Variants in SLC18A2 observed in about 807,000 individuals in gnomAD.
SLC18A2 encodes synaptic vesicular amine transporter.
In SLC18A2, 33 loss-of-function variants were observed where a neutral mutation model predicts 59.2. The observed-to-expected ratio is 0.56, with a 90% CI of 0.42 to 0.75. The LOEUF (loss-of-function observed/expected upper bound fraction) is 0.75, where lower values mean the gene tolerates loss of function less well. SLC18A2 is among the 30% of genes least tolerant of loss of function. The pLI is 0.00. For missense variants in SLC18A2, 569 were observed against 668.6 expected (o/e 0.85, Z 1.64); for synonymous variants, 228 against 253.5 (o/e 0.90, Z 0.95).
intron 10 of SLC18A2, among the ~76,000 whole-genome samples, chr10:117,261,688 A>G (rs1040094886): frequency 2.6e-5 from 4 of 152,162 alleles, no homozygotes; most frequent in African/African-American, 9.7e-5. Context: ...CCTGAGTACC[A>G]GTGTCTTTGG....
chr10:117,258,130 G>A (rs1029760497), intron 10 of SLC18A2, among the ~76,000 whole-genome samples: 2 of 152,186 alleles, frequency 1.3e-5, no homozygotes, highest in Non-Finnish European at 2.9e-5. Flanking sequence ...AGAAATGAGA[G>A]TAAAAATACA....
intron 10 of SLC18A2, among the ~76,000 whole-genome samples, chr10:117,265,698 A>G (rs1041913747): frequency 6.6e-5 from 10 of 151,984 alleles, no homozygotes; most frequent in African/African-American, 2.2e-4. Context: ...AATGCGGAGG[A>G]CAGGTTCAAG....
Position 117,270,311 on chromosome 10 carries a change from A to G in SLC18A2, c.1307-19A>G. The G allele has an allele frequency of 6.2e-7, 1 of 1,614,066 alleles. No homozygotes were observed. Among genetic ancestry groups the G allele is most frequent in the Non-Finnish European group, 8.5e-7 (1 of 1,179,992 alleles). ...AAGACATTTGGAAGAGCTTTATCTA[A>G]TTCTCTGTTTCCTGAAAGGTCCTTC... On this transcript the variant is annotated intron_variant, in intron 14 of 15. Coordinates refer to ENST00000644641, the MANE Select transcript of SLC18A2 (RefSeq NM_003054.6).
At chr10:117,243,698 T>A (rs1844078710) in intron 2 of SLC18A2, among the ~76,000 whole-genome samples, 1 of 152,136 alleles carries the variant, frequency 6.6e-6, no homozygotes, top group East Asian at 1.9e-4. Context: ...CGATCCTCCT[T>A]TCTCAGCCTC....
At chr10:117,242,728 T>C (rs963155863) in intron 2 of SLC18A2, among the ~76,000 whole-genome samples, 3 of 152,192 alleles carry the variant, frequency 2.0e-5, no homozygotes, top group Non-Finnish European at 4.4e-5. Flanking sequence ...TTGCTTTTTA[T>C]TTTGGTTTTT....
At chr10:117,244,525 A>T (rs1844091367) in intron 3 of SLC18A2, among the ~76,000 whole-genome samples, 1 of 152,206 alleles carries the variant, frequency 6.6e-6, no homozygotes, top group Non-Finnish European at 1.5e-5. Flanking sequence ...AACAAGTAAG[A>T]AAATATTAAA....
intron 13 of SLC18A2, chr10:117,268,808 G>A (rs1218679600): frequency 6.7e-6 from 1 of 150,272 alleles, no homozygotes. Context: ...CAGAAATTAT[G>A]TGTGTGTATG....
At position 117,269,058 on chromosome 10, in the gene SLC18A2, TAA is replaced by T. The variant is rs1844388799; in HGVS notation, c.1187-1011_1187-1010del. On this transcript the variant is annotated intron_variant, in intron 13 of 15. Coordinates refer to ENST00000644641, the MANE Select transcript of SLC18A2 (RefSeq NM_003054.6). The surrounding 1 kb of genome is among the most constrained non-coding windows in gnomAD (Gnocchi z 5.1). ...CACATACACACATACACCCCCCACA[TAA>T]ACACATACACATACACAAATATACA... 6.8e-6 allele frequency among the ~76,000 whole-genome samples: 1 copy of T among 147,462 alleles called. No homozygotes were observed. The highest frequency in any genetic ancestry group is 1.5e-5 in the Non-Finnish European group (1 of 67,126).
At position 117,261,267 on chromosome 10, in the gene SLC18A2, G is replaced by A. The variant is rs372270952; in HGVS notation, c.991+3375G>A. Among the ~76,000 whole-genome samples the A allele has an allele frequency of 3.9e-5, 6 of 152,056 alleles. No homozygotes were observed. In the East Asian group the frequency reaches 5.8e-4, roughly 15 times the overall value. ...AAAAAAATTAGCCAGGAGTAGTAGC[G>A]CACACCTGAAGTCCCAGCTACTCGG... is the stretch of plus-strand genomic sequence containing the variant. On this transcript the variant is annotated intron_variant, in intron 10 of 15. Transcript: ENST00000644641.
intron 2 of SLC18A2, 154 bp downstream of exon 2, chr10:117,241,968 G>A: frequency 1.4e-6 from 1 of 729,924 alleles, no homozygotes; most frequent in Non-Finnish European, 2.1e-6. Context: ...CCAGGCTGCC[G>A]CGCCGGGGCT....
chr10:117,271,958 T>C (rs1844432744), intron 15 of SLC18A2, among the ~76,000 whole-genome samples: 1 of 152,164 alleles, frequency 6.6e-6, no homozygotes, highest in South Asian at 2.1e-4. Flanking sequence ...TGTGTGTGTA[T>C]AAAATCACCT....
At chr10:117,253,563 G>GT (rs1262225827) in intron 4 of SLC18A2, 106 bp downstream of exon 4, 8 of 318,150 alleles carry the variant, frequency 2.5e-5, no homozygotes, top group African/African-American at 1.7e-4. Context: ...GGGGGGGCGG[G>GT]GGGGGTCGTG....
intron 10 of SLC18A2, among the ~76,000 whole-genome samples, chr10:117,259,168 G>A (rs2283138): frequency 0.83 from 126,816 of 152,212 alleles, 53,362 homozygotes; most frequent in Middle Eastern, 0.93. Flanking sequence ...AGCTGACTGA[G>A]CTATGTAGGG....
intron 10 of SLC18A2, among the ~76,000 whole-genome samples, chr10:117,264,076 C>T (rs927626927): frequency 2.6e-5 from 4 of 152,260 alleles, no homozygotes; most frequent in African/African-American, 9.6e-5. Context: ...GGATGGCCAG[C>T]TCATCTCCCC....
At chr10:117,267,123 T>A in intron 12 of SLC18A2, 88 bp downstream of exon 12, 1 of 981,168 alleles carries the variant, frequency 1.0e-6, no homozygotes, top group Non-Finnish European at 1.6e-6. Flanking sequence ...ACATTTTACG[T>A]TTGAGTTTGT....
At chr10:117,255,236 A>G (rs1233906259) in intron 6 of SLC18A2, 41 bp from the exon 7 acceptor site, 3 of 1,539,650 alleles carry the variant, frequency 1.9e-6, no homozygotes, top group Middle Eastern at 1.7e-4. Context: ...GGGAGAGGGC[A>G]TGTGTCCCAG....
intron 10 of SLC18A2, among the ~76,000 whole-genome samples, chr10:117,263,648 A>G (rs1844318209): frequency 1.3e-5 from 2 of 152,118 alleles, no homozygotes; most frequent in Non-Finnish European, 2.9e-5. Flanking sequence ...TGTTTTCTCT[A>G]TATCTGAGTT....
At chr10:117,252,522 G>A (rs979923584) in intron 3 of SLC18A2, among the ~76,000 whole-genome samples, 1 of 152,276 alleles carries the variant, frequency 6.6e-6, no homozygotes, top group East Asian at 1.9e-4. Flanking sequence ...AGAGGGGCTG[G>A]GAAGCTGCCT....
At chr10:117,249,619 G>A (rs773593465) in intron 3 of SLC18A2, among the ~76,000 whole-genome samples, 2 of 152,140 alleles carry the variant, frequency 1.3e-5, no homozygotes, top group African/African-American at 2.4e-5. Context: ...AATTTACCAC[G>A]GTAGAGGAAA....
Sources: gnomAD v4.1 joint callset for allele counts (sites outside exome capture counted in the v4.1 genomes callset) on GRCh38, gnomAD v4.1.1 for gene constraint, Gnocchi (gnomAD v3.1) non-coding constraint, MANE v1.5 for transcripts, NCBI Gene and HGNC (gene_info 2026-07-23, HGNC 2026-07-21) for gene names.